The following TXNL4A variants were observed in gnomAD, a reference collection of about 807,000 sequenced individuals.
TXNL4A encodes the protein thioredoxin like 4A, also known as thioredoxin-like protein 4A.
TXNL4A carries 17 observed loss-of-function variants against 14.6 expected under a neutral mutation model. The observed-to-expected ratio is 1.16, with a 90% CI of 0.80 to 1.74. TXNL4A has a LOEUF of 1.74. Among genes scored for constraint, TXNL4A ranks in the 40% most tolerant of loss-of-function variants. TXNL4A has a pLI of 0.00. For missense variants in TXNL4A, 74 were observed against 195.2 expected, an observed-to-expected ratio of 0.38 and a Z score of 3.70; for synonymous variants, 83 against 70.6, an observed-to-expected ratio of 1.18 and a Z score of -0.88.
chr18:79,983,006 T>C (rs1284483992), intron 1 of TXNL4A, among the ~76,000 whole-genome samples: 2 of 151,990 alleles, frequency 1.3e-5, no homozygotes, highest in Non-Finnish European at 2.9e-5. Flanking sequence ...AGGCAGCTTT[T>C]TCTTTTCTTT....
rs887808655 is a variant in TXNL4A at position 79,972,685 on chromosome 18, G to C, written c.*1000C>G. 6.6e-6 allele frequency: 1 copy of C among 152,096 alleles called. No homozygotes were observed. Among genetic ancestry groups the C allele is most frequent in the Non-Finnish European group, 1.5e-5 (1 of 68,042 alleles). The allele number at this position is 152,096 out of a possible 1,614,324, so 9.4% of individuals were successfully genotyped here. Reference sequence around the variant, plus strand: ...TCACCATGTTGGCCAGGCTGGTCTCGAACACCTGACTTCGTGATCTGCCCA... The same window carrying C: ...TCACCATGTTGGCCAGGCTGGTCTCCAACACCTGACTTCGTGATCTGCCCA... On this transcript the variant is annotated 3_prime_UTR_variant, in exon 3 of 3. Transcript: ENST00000269601.
In TXNL4A at chr18:79,971,701, A is replaced by G. The variant is rs1306862807; in HGVS notation, c.*1984T>C. On this transcript the variant is annotated 3_prime_UTR_variant, in exon 3 of 3. Transcript: ENST00000269601. Reference sequence around the variant, plus strand: ...CCACCAGCAGTGTGTGAGGGCTCCAATTTCTCCACATCCTTGCAAACGCTT... The same window carrying G: ...CCACCAGCAGTGTGTGAGGGCTCCAGTTTCTCCACATCCTTGCAAACGCTT... 3 of 152,158 alleles carry G rather than the reference A, an allele frequency of 2.0e-5. No individual in the cohort carries two copies. Among genetic ancestry groups the G allele is most frequent in the Non-Finnish European group, 4.4e-5 (3 of 68,054 alleles). 9.4% of individuals were successfully genotyped at this position (152,158 alleles called of 1,614,324 possible).
At chr18:79,978,729 A>T (rs1001452719) in intron 1 of TXNL4A, among the ~76,000 whole-genome samples, 4 of 152,084 alleles carry the variant, frequency 2.6e-5, no homozygotes, top group Non-Finnish European at 5.9e-5. Context: ...CCTGGACTCA[A>T]GTGATACGCC....
At chr18:79,977,772 A>G in intron 1 of TXNL4A, 71 bp from the exon 2 acceptor site, 1 of 1,064,016 alleles carries the variant, frequency 9.4e-7, no homozygotes, top group East Asian at 2.4e-5. Flanking sequence ...AAGCACATTT[A>G]TAAAAACAAA....
chr18:80,015,104 T>A (rs1409760065), intron 1 of TXNL4A, among the ~76,000 whole-genome samples: 2 of 152,190 alleles, frequency 1.3e-5, no homozygotes, highest in South Asian at 4.1e-4. Flanking sequence ...AAACATTTTT[T>A]CCTCCTTGGC....
chr18:79,972,112 C>G lies in TXNL4A; in HGVS notation c.*1573G>C, dbSNP rs1156982405. The stretch of plus-strand genomic sequence containing the variant: ...TCATTCTGTAAGTACCCTCCCGTTT[C>G]CACAACAGCAATCAATCTCCCGACA... On this transcript the variant is annotated 3_prime_UTR_variant, in exon 3 of 3. Transcript: ENST00000269601. 6.6e-6 allele frequency: 1 copy of G among 152,264 alleles called. No homozygotes were observed. Among genetic ancestry groups the G allele is most frequent in the South Asian group, 2.1e-4 (1 of 4,832 alleles). The allele number at this position is 152,264 out of a possible 1,614,324, so 9.4% of individuals were successfully genotyped here. A position where few individuals can be genotyped will look rare whatever the true frequency, so the allele number is the denominator to read the frequency against.
chr18:79,974,864 C>G (rs1385461199), intron 2 of TXNL4A, among the ~76,000 whole-genome samples: 1 of 152,204 alleles, frequency 6.6e-6, no homozygotes, highest in Non-Finnish European at 1.5e-5. Context: ...TGCAGAGTGG[C>G]TGGGCTGCAG....
intron 1 of TXNL4A, among the ~76,000 whole-genome samples, chr18:80,006,254 T>G (rs1041154469): frequency 1.3e-5 from 2 of 151,670 alleles, no homozygotes; most frequent in Non-Finnish European, 2.9e-5. Context: ...TGTGGTGGCA[T>G]GCGCCTGTAG....
At chr18:79,987,161 C>G (rs1483606549) in intron 1 of TXNL4A, among the ~76,000 whole-genome samples, 1 of 152,196 alleles carries the variant, frequency 6.6e-6, no homozygotes, top group African/African-American at 2.4e-5. Context: ...CACCCCATAC[C>G]CATAGAATCA....
intron 1 of TXNL4A, among the ~76,000 whole-genome samples, chr18:80,016,368 T>G (rs1374365527): frequency 2.6e-5 from 4 of 152,084 alleles, no homozygotes; most frequent in Non-Finnish European, 5.9e-5. Context: ...TTAGTTTAAT[T>G]AGATCCCATT....
chr18:79,974,593 C>T (rs2051350453), intron 2 of TXNL4A, among the ~76,000 whole-genome samples: 1 of 152,168 alleles, frequency 6.6e-6, no homozygotes, highest in Admixed American at 6.5e-5. Context: ...ATCCTCCCAC[C>T]TCAGCCCTCT....
chr18:79,976,774 A>G, intron 2 of TXNL4A: 1 of 456,596 alleles, frequency 2.2e-6, no homozygotes, highest in Non-Finnish European at 4.4e-6. Flanking sequence ...CTAATTCACC[A>G]ACCTCTATGG....
intron 1 of TXNL4A, among the ~76,000 whole-genome samples, chr18:80,018,868 G>C (rs1568380733): frequency 1.3e-5 from 2 of 152,196 alleles, no homozygotes; most frequent in Non-Finnish European, 2.9e-5. Context: ...CAGTTCTCTA[G>C]GGCAGGGGCA....
At chr18:79,990,829 G>A (rs1358325465), upstream of TXNL4A, among the ~76,000 whole-genome samples, 4 of 152,272 alleles carry the variant, frequency 2.6e-5, no homozygotes, top group Non-Finnish European at 5.9e-5. Flanking sequence ...TTTTGGCCGG[G>A]CGCGGTGGCT....
chr18:80,015,450 T>C (rs961091213), intron 1 of TXNL4A, among the ~76,000 whole-genome samples: 4 of 151,570 alleles, frequency 2.6e-5, no homozygotes, highest in Non-Finnish European at 5.9e-5. Context: ...CATGCTGGTG[T>C]GCTGCACCCA....
intron 1 of TXNL4A, among the ~76,000 whole-genome samples, chr18:80,005,392 T>C (rs72970173): frequency 0.25 from 37,661 of 152,182 alleles, 5,896 homozygotes; most frequent in Non-Finnish European, 0.36. Flanking sequence ...CAATTGCTTA[T>C]GCTGTCTTTC....
intron 1 of TXNL4A, among the ~76,000 whole-genome samples, chr18:80,012,161 T>A (rs1171480311): frequency 1.3e-5 from 2 of 152,208 alleles, no homozygotes; most frequent in Non-Finnish European, 2.9e-5. Flanking sequence ...TTGATAGAAA[T>A]ATTAAGCACT....
At chr18:80,028,767 T>A (rs1252849196) in intron 1 of TXNL4A, among the ~76,000 whole-genome samples, 1 of 152,190 alleles carries the variant, frequency 6.6e-6, no homozygotes, top group Non-Finnish European at 1.5e-5. Context: ...CTGCTATGCT[T>A]CTAGGGTTTG....
At position 80,028,502 on chromosome 18, in the gene TXNL4A, A is replaced by T. The variant is rs894496507; in HGVS notation, c.-61+5349T>A. Among the ~76,000 whole-genome samples, 3 of 152,120 alleles carry T rather than the reference A, an allele frequency of 2.0e-5. No individual in the cohort carries two copies. The South Asian group carries it at 6.2e-4, about 32-fold the overall frequency. Reference sequence around the variant, plus strand: ...CCTCATGACTGTGTTCTGATGACTGACTGACTTCTCACCTCCAGGACAGAC... The same window carrying T: ...CCTCATGACTGTGTTCTGATGACTGTCTGACTTCTCACCTCCAGGACAGAC... On this transcript the variant is annotated intron_variant, in intron 1 of 2. Coordinates refer to the TXNL4A transcript ENST00000585474.
Sources: allele counts gnomAD v4.1 joint callset (sites outside exome capture counted in the v4.1 genomes callset), GRCh38; gene constraint gnomAD v4.1.1; transcripts MANE v1.5; gene names NCBI Gene and HGNC (gene_info 2026-07-23, HGNC 2026-07-21).